PACC1: variants seen among roughly 807,000 people sequenced by gnomAD.
PACC1 encodes proton activated chloride channel 1, also known as proton-activated chloride channel.
Under a neutral mutation model 39.7 loss-of-function variants are expected in PACC1, and 34 were observed. The observed-to-expected ratio is 0.86, with a 90% confidence interval of 0.65 to 1.14. The LOEUF is 1.14. Ranked by LOEUF, PACC1 falls within the 50% of genes most tolerant of loss-of-function variation. The pLI, the probability that PACC1 is intolerant of heterozygous loss-of-function variation, is 0.00. For synonymous variants in PACC1, 127 were observed against 160.6 expected (o/e 0.79, Z 1.58); for missense variants, 379 against 436.4 (o/e 0.87, Z 1.17).
Position 212,410,513 on chromosome 1 carries a change from C to G in PACC1, c.45G>C (p.Glu15Asp). Residue 15 changes from glutamate (E) to aspartate (D), a missense_variant, in exon 2 of 8, where the codon GAG becomes GAC. Physicochemically the swap from Glu to Asp is conservative, Grantham distance 45. Transcript: ENST00000261455. ...ERSTSYQELS[E>D]ELVQVVENSE... The stretch of plus-strand genomic sequence containing the variant: ...AGTTCTCAACCACCTGGACCAACTC[C>G]TCACTCAGCTAAAGGGAGAAGCAAA... 1 of 1,614,150 alleles carries G rather than the reference C, an allele frequency of 6.2e-7. No homozygotes were observed. Among genetic ancestry groups the G allele is most frequent in the Non-Finnish European group, 8.5e-7 (1 of 1,179,964 alleles).
intron 6 of PACC1, among the ~76,000 whole-genome samples, chr1:212,375,777 C>T (rs1660643214): frequency 6.6e-6 from 1 of 151,408 alleles, no homozygotes; most frequent in South Asian, 2.1e-4. Context: ...CCCAGCTACT[C>T]AGGAGGCTGA....
chr1:212,413,731 C>A lies in PACC1; in HGVS notation c.36+991G>T, dbSNP rs193168497. 2.3e-3 allele frequency among the ~76,000 whole-genome samples: 345 copies of A among 152,300 alleles called. 4 individuals carry two copies. The highest frequency in any genetic ancestry group is 2.1e-3 in the Non-Finnish European group (140 of 68,022). ...GCTGAGAAGTCTGGACTGTTCTGGG[C>A]AGACGAAGGGCAGCGTCAGGTCTGA... On this transcript the variant is annotated intron_variant, in intron 1 of 7. Coordinates refer to ENST00000261455, the MANE Select transcript of PACC1 (RefSeq NM_018252.3).
chr1:212,371,177 G>A (rs533000420), intron 7 of PACC1, among the ~76,000 whole-genome samples: 2 of 146,060 alleles, frequency 1.4e-5, no homozygotes, highest in African/African-American at 5.1e-5. Flanking sequence ...CCCAGGAGGC[G>A]TAGGCTGCAA....
chr1:212,404,081 C>T (rs1187796738), intron 2 of PACC1, among the ~76,000 whole-genome samples: 1 of 152,058 alleles, frequency 6.6e-6, no homozygotes, highest in Non-Finnish European at 1.5e-5. Context: ...ACTCCTCTTA[C>T]TGTCCTGTTC....
At chr1:212,381,998 T>TG (rs1251807503) in intron 4 of PACC1, among the ~76,000 whole-genome samples, 1 of 152,158 alleles carries the variant, frequency 6.6e-6, no homozygotes, top group African/African-American at 2.4e-5. Context: ...GCTTAGCCTA[T>TG]ACTCTGACTA....
At position 212,414,802 on chromosome 1, in the gene PACC1, C is replaced by A. The variant is rs369162286; in HGVS notation, c.-45G>T. 5 of 1,607,860 alleles carry A rather than the reference C, an allele frequency of 3.1e-6. No homozygotes were observed. The highest frequency in any genetic ancestry group is 4.3e-6 in the Non-Finnish European group (5 of 1,175,336). On this transcript the variant is annotated 5_prime_UTR_variant, in exon 1 of 8. Coordinates refer to ENST00000261455, the MANE Select transcript of PACC1 (RefSeq NM_018252.3). ...GCACACCTGAGACCGCCCCAGCCCGCGGCGCACGGACGCAGCACTGCGGCC... is the reference window on the plus strand; with the variant it reads ...GCACACCTGAGACCGCCCCAGCCCGAGGCGCACGGACGCAGCACTGCGGCC...
At chr1:212,377,356 C>T (rs541591290) in intron 6 of PACC1, among the ~76,000 whole-genome samples, 5 of 152,304 alleles carry the variant, frequency 3.3e-5, no homozygotes, top group South Asian at 4.1e-4. Flanking sequence ...GAGGACTGGC[C>T]GGTATGTGCG....
Position 212,365,046 on chromosome 1 carries a change from A to G in PACC1, c.*169T>C, listed in dbSNP as rs144800572. The G allele has an allele frequency of 5.6e-3, 2,925 of 525,396 alleles. 61 individuals carry two copies. The highest frequency in any genetic ancestry group is 0.047 in the African/African-American group (2,426 of 51,324). The allele number at this position is 525,396 out of a possible 1,614,324, so 32.5% of individuals were successfully genotyped here. A position where few individuals can be genotyped will look rare whatever the true frequency, so the allele number is the denominator to read the frequency against. Reference sequence around the variant, plus strand: ...ATTAGTCTCTTCTATTAGGCTCTACACCGCCTCTTTTGGGACGGGGTTAGA... The same window carrying G: ...ATTAGTCTCTTCTATTAGGCTCTACGCCGCCTCTTTTGGGACGGGGTTAGA... On this transcript the variant is annotated 3_prime_UTR_variant, in exon 8 of 8. Coordinates refer to ENST00000261455, the MANE Select transcript of PACC1 (RefSeq NM_018252.3).
intron 1 of PACC1, among the ~76,000 whole-genome samples, chr1:212,411,585 C>G (rs553548123): frequency 2.0e-5 from 3 of 152,240 alleles, no homozygotes; most frequent in Admixed American, 6.5e-5. Context: ...CAAGAGAGCT[C>G]AAGACCAGAG....
chr1:212,405,512 T>C (rs1661876687), intron 2 of PACC1, among the ~76,000 whole-genome samples: 1 of 152,190 alleles, frequency 6.6e-6, no homozygotes, highest in African/African-American at 2.4e-5. Flanking sequence ...AGTTCTTCCT[T>C]GGGTAACCGG....
intron 6 of PACC1, among the ~76,000 whole-genome samples, chr1:212,377,197 T>C (rs1257769381): frequency 6.6e-6 from 1 of 152,132 alleles, no homozygotes; most frequent in Non-Finnish European, 1.5e-5. Context: ...GACCACTGTG[T>C]CTAGTCTCTC....
chr1:212,401,180 A>G (rs1166246469), intron 2 of PACC1, among the ~76,000 whole-genome samples: 1 of 152,150 alleles, frequency 6.6e-6, no homozygotes, highest in Non-Finnish European at 1.5e-5. Context: ...GAAAATTTTC[A>G]TTACCCAAAA....
At chr1:212,411,131 A>G (rs562960482) in intron 1 of PACC1, among the ~76,000 whole-genome samples, 2 of 152,312 alleles carry the variant, frequency 1.3e-5, no homozygotes, top group South Asian at 4.1e-4. Flanking sequence ...GGACTTCAAC[A>G]TATCTTTTTT....
intron 5 of PACC1, among the ~76,000 whole-genome samples, chr1:212,378,609 C>T (rs1660755786): frequency 6.6e-6 from 1 of 152,188 alleles, no homozygotes; most frequent in Non-Finnish European, 1.5e-5. Flanking sequence ...AGAAAATTCT[C>T]CTGCCCTCTA....
At position 212,365,120 on chromosome 1, in the gene PACC1, A is replaced by G; in HGVS notation, c.*95T>C. 1 of 1,308,098 alleles carries G rather than the reference A, an allele frequency of 7.6e-7. No individual in the cohort carries two copies. The highest frequency in any genetic ancestry group is 1.6e-5 in the South Asian group (1 of 63,368). 81.0% of individuals were successfully genotyped at this position (1,308,098 alleles called of 1,614,324 possible). On this transcript the variant is annotated 3_prime_UTR_variant, in exon 8 of 8. Transcript: ENST00000261455. ...CTCCCAGCAAGGCCCCATTTCTTCAAGTGAGTACAGGATTGTTGATAGCTC... is the reference window on the plus strand; with the variant it reads ...CTCCCAGCAAGGCCCCATTTCTTCAGGTGAGTACAGGATTGTTGATAGCTC...
chr1:212,406,105 C>CAAAAAAAAAAAAAAAAAAAAAAA, intron 2 of PACC1, among the ~76,000 whole-genome samples: 1 of 55,644 alleles, frequency 1.8e-5, no homozygotes, highest in Non-Finnish European at 3.3e-5. Flanking sequence ...TCCCACCCCA[C>CAAAAAAAAAAAAAAAAAAAAAAA]AAAAAAAAAA....
chr1:212,378,316 C>T (rs6692384), intron 5 of PACC1, among the ~76,000 whole-genome samples: 14,265 of 152,188 alleles, frequency 0.094, 2,184 homozygotes, highest in African/African-American at 0.32. Context: ...GGTGGGATCC[C>T]GGGGAAAGTC....
chr1:212,381,079 C>T (rs1192966757), intron 4 of PACC1, among the ~76,000 whole-genome samples: 1 of 152,234 alleles, frequency 6.6e-6, no homozygotes, highest in Non-Finnish European at 1.5e-5. Flanking sequence ...AATTTATTAA[C>T]TGCACTATTC....
At chr1:212,375,434 T>C (rs1660611915) in intron 6 of PACC1, 134 bp from the exon 7 acceptor site, 5 of 611,708 alleles carry the variant, frequency 8.2e-6, no homozygotes, top group Non-Finnish European at 1.5e-5. Flanking sequence ...GGAGAGAGAG[T>C]GGCAAAAATC....
Sources: allele counts gnomAD v4.1 joint callset (sites outside exome capture counted in the v4.1 genomes callset), GRCh38; gene constraint gnomAD v4.1.1; transcripts MANE v1.5; gene names NCBI Gene and HGNC (gene_info 2026-07-23, HGNC 2026-07-21).